MBNL2: variants seen among roughly 807,000 people sequenced by gnomAD.
The protein encoded by MBNL2 is muscleblind-like protein 2.
A neutral mutation model predicts 41.9 loss-of-function variants in MBNL2; 17 were observed. The observed-to-expected ratio is 0.41, with a 90% CI of 0.28 to 0.61. The LOEUF is 0.61. Ranked by LOEUF, MBNL2 falls within the 20% of genes least tolerant of loss-of-function variation. MBNL2 has a pLI of 0.35. For missense variants in MBNL2, 336 were observed against 505.6 expected (o/e 0.66, Z 3.22); for synonymous variants, 195 against 182.9 (o/e 1.07, Z -0.53).
intron 8 of MBNL2, among the ~76,000 whole-genome samples, chr13:97,376,530 C>T (rs3782986): frequency 0.11 from 16,928 of 152,186 alleles, 981 homozygotes; most frequent in East Asian, 0.18. Flanking sequence ...GTTTTACTTT[C>T]GATAATCAAA....
chr13:97,241,158 G>A (rs1008101777), intron 1 of MBNL2, among the ~76,000 whole-genome samples: 1 of 152,218 alleles, frequency 6.6e-6, no homozygotes, highest in Non-Finnish European at 1.5e-5. Flanking sequence ...TGGAACTGAA[G>A]TCCCCTTCCT....
At chr13:97,318,327 C>T (rs902016475) in intron 2 of MBNL2, among the ~76,000 whole-genome samples, 1 of 152,170 alleles carries the variant, frequency 6.6e-6, no homozygotes, top group South Asian at 2.1e-4. Context: ...TGGAGTCACA[C>T]TGCCTGGGTT....
intron 2 of MBNL2, among the ~76,000 whole-genome samples, chr13:97,293,057 A>T (rs2056432078): frequency 6.6e-6 from 1 of 151,752 alleles, no homozygotes; most frequent in African/African-American, 2.4e-5. Context: ...CATTATTATT[A>T]TTTTTACTTC....
At chr13:97,333,968 A>G (rs867272642) in intron 2 of MBNL2, among the ~76,000 whole-genome samples, 1,626 of 124,402 alleles carry the variant, frequency 0.013, 31 homozygotes, top group African/African-American at 0.039. Context: ...GGAAGGAAGG[A>G]AGGGAGGGAG....
the MBNL2 span, among the ~76,000 whole-genome samples, chr13:97,213,476 C>G: frequency 6.6e-6 from 1 of 152,104 alleles, no homozygotes; most frequent in Admixed American, 6.5e-5. Flanking sequence ...AATGCACATT[C>G]CCAGAATCAA....
chr13:97,144,816 G>C, the MBNL2 span, among the ~76,000 whole-genome samples: 1 of 152,098 alleles, frequency 6.6e-6, no homozygotes, highest in South Asian at 2.1e-4. Context: ...ATCTCAAATA[G>C]GAACAAATAA....
At position 97,291,616 on chromosome 13, in the gene MBNL2, C is replaced by T. The variant is rs1012979288; in HGVS notation, c.174+15207C>T. ...TGGCATCAAGAGTGATTGCTTGGGT[C>T]GGGCGCGGTGGCTCACGCCTATAAT... On this transcript the variant is annotated intron_variant, in intron 2 of 8. Coordinates refer to ENST00000679496, the MANE Select transcript of MBNL2 (RefSeq NM_001382683.1). Among the ~76,000 whole-genome samples, 9 of 152,074 alleles carry T rather than the reference C, an allele frequency of 5.9e-5. No individual in the cohort carries two copies. In the South Asian group the frequency reaches 8.3e-4, roughly 14 times the overall value.
Position 97,267,885 on chromosome 13 carries a change from T to C in MBNL2, c.-604-7747T>C, listed in dbSNP as rs74704575. On this transcript the variant is annotated intron_variant, in intron 1 of 8. Coordinates refer to ENST00000679496, the MANE Select transcript of MBNL2 (RefSeq NM_001382683.1). ...AACTCCAGGTGGACATCTTTGTTCT[T>C]TTCAGCAAGCAGCAGGATGCCTGGC... is the stretch of plus-strand genomic sequence containing the variant. Among the ~76,000 whole-genome samples the C allele has an allele frequency of 9.3e-3, 1,411 of 152,270 alleles. 27 individuals carry two copies. Among genetic ancestry groups the C allele is most frequent in the African/African-American group, 0.032 (1,316 of 41,552 alleles).
chr13:97,145,229 A>T, the MBNL2 span, among the ~76,000 whole-genome samples: 1 of 152,266 alleles, frequency 6.6e-6, no homozygotes, highest in Non-Finnish European at 1.5e-5. Flanking sequence ...TGCTTTAAGC[A>T]TCTGAGATTT....
intron 6 of MBNL2, among the ~76,000 whole-genome samples, chr13:97,357,222 T>A (rs1285987971): frequency 1.3e-5 from 2 of 151,970 alleles, no homozygotes; most frequent in East Asian, 3.9e-4. Flanking sequence ...GCTGAAGCCA[T>A]TTTTTTTGTT....
chr13:97,232,851 A>ATGTG (rs34769353), intron 1 of MBNL2, among the ~76,000 whole-genome samples: 5,801 of 130,484 alleles, frequency 0.044, 212 homozygotes, highest in African/African-American at 0.089. Flanking sequence ...TCTTGACGCT[A>ATGTG]TGTGTGTGTG....
intron 8 of MBNL2, among the ~76,000 whole-genome samples, chr13:97,368,167 T>C (rs967651368): frequency 6.6e-6 from 1 of 152,142 alleles, no homozygotes; most frequent in Non-Finnish European, 1.5e-5. Context: ...CCCAGCATTT[T>C]GGGAAGCCGA....
In MBNL2 at chr13:97,393,790, T is replaced by C. The variant is rs1173558031; in HGVS notation, c.*2341T>C. 1 of 152,484 alleles carries C rather than the reference T, an allele frequency of 6.6e-6. No individual in the cohort carries two copies. Among genetic ancestry groups the C allele is most frequent in the East Asian group, 1.9e-4 (1 of 5,202 alleles). 9.4% of individuals were successfully genotyped at this position (152,484 alleles called of 1,614,324 possible). A position where few individuals can be genotyped will look rare whatever the true frequency, so the allele number is the denominator to read the frequency against. On this transcript the variant is annotated 3_prime_UTR_variant, in exon 9 of 9. Transcript: ENST00000679496. Reference sequence around the variant, plus strand: ...TGATGAATAAATCTTAAATGCTTTGTTTAATTAAAAAACAAAAATCACCAA... The same window carrying C: ...TGATGAATAAATCTTAAATGCTTTGCTTAATTAAAAAACAAAAATCACCAA...
Position 97,268,073 on chromosome 13 carries a change from TTTCCTTCC to T in MBNL2, c.-604-7536_-604-7529del, listed in dbSNP as rs57849294. Among the ~76,000 whole-genome samples the T allele has an allele frequency of 4.3e-3, 632 of 147,942 alleles. 2 individuals carry two copies. The highest frequency in any genetic ancestry group is 0.02 in the South Asian group (91 of 4,642). ...CCTAAGAGTGTGCTTTTCTTTTTTC[TTTCCTTCC>T]TTCCTTCCTTCCTTCCTTCCTTTCT... On this transcript the variant is annotated intron_variant, in intron 1 of 8. Coordinates refer to ENST00000679496, the MANE Select transcript of MBNL2 (RefSeq NM_001382683.1). This position sits in a 1 kb window ranked among gnomAD's most constrained non-coding sequence, Gnocchi z 4.6.
chr13:97,201,798 T>G, the MBNL2 span, among the ~76,000 whole-genome samples: 1 of 152,180 alleles, frequency 6.6e-6, no homozygotes, highest in Non-Finnish European at 1.5e-5. Context: ...AACCTAAACT[T>G]TCTAAATCCT....
chr13:97,162,478 C>T, the MBNL2 span, among the ~76,000 whole-genome samples: 1 of 152,194 alleles, frequency 6.6e-6, no homozygotes, highest in South Asian at 2.1e-4. Flanking sequence ...TTCTATTTCA[C>T]ACCTGTTACT....
upstream of MBNL2, among the ~76,000 whole-genome samples, chr13:97,218,412 A>G (rs1458021213): frequency 3.4e-5 from 4 of 118,868 alleles, no homozygotes; most frequent in Non-Finnish European, 5.1e-5. Context: ...TCTGTCTCAA[A>G]AAAAAACAAA....
the MBNL2 span, among the ~76,000 whole-genome samples, chr13:97,215,564 T>C: frequency 6.6e-6 from 1 of 152,244 alleles, no homozygotes; most frequent in South Asian, 2.1e-4. Flanking sequence ...GGTTGCAAAC[T>C]GATTTCAAGC....
At chr13:97,351,571 C>T (rs1398913523) in intron 5 of MBNL2, among the ~76,000 whole-genome samples, 2 of 152,328 alleles carry the variant, frequency 1.3e-5, no homozygotes, top group Non-Finnish European at 2.9e-5. Flanking sequence ...TGCTGCTTCT[C>T]CATCAGCCCT....
Sources: gnomAD v4.1 joint callset for allele counts (sites outside exome capture counted in the v4.1 genomes callset) on GRCh38, gnomAD v4.1.1 for gene constraint, Gnocchi (gnomAD v3.1) non-coding constraint, MANE v1.5 for transcripts, NCBI Gene and HGNC (gene_info 2026-07-23, HGNC 2026-07-21) for gene names.